Variants in GALNT11 observed in about 807,000 individuals in gnomAD.
The protein encoded by GALNT11 is UDP-GalNAc:polypeptide N-acetylgalactosaminyltransferase 11.
A neutral mutation model predicts 72.7 loss-of-function variants in GALNT11; 47 were observed. The ratio of observed to expected loss-of-function variants is 0.65; its 90% CI spans 0.51 to 0.82. GALNT11 has a LOEUF of 0.82. Among genes scored for constraint, GALNT11 ranks in the 40% least tolerant of loss-of-function variants. The pLI, the probability that GALNT11 is intolerant of heterozygous loss-of-function variation, is 0.00. For missense variants in GALNT11, 677 were observed against 778.4 expected, an observed-to-expected ratio of 0.87 and a Z score of 1.55; for synonymous variants, 270 against 286.6, an observed-to-expected ratio of 0.94 and a Z score of 0.58.
At chr7:152,026,871 A>G (rs2082041098) in intron 1 of GALNT11, among the ~76,000 whole-genome samples, 1 of 152,156 alleles carries the variant, frequency 6.6e-6, no homozygotes, top group South Asian at 2.1e-4. Flanking sequence ...TGCCCCCACC[A>G]CCTTGGGTAC....
intron 1 of GALNT11, among the ~76,000 whole-genome samples, chr7:152,058,458 C>T (rs996200672): frequency 1.3e-5 from 2 of 152,088 alleles, no homozygotes; most frequent in African/African-American, 2.4e-5. Flanking sequence ...CTCAGCCTCC[C>T]GAGTAGCTGG....
Position 152,071,399 on chromosome 7 carries a change from G to C in GALNT11, c.-38-22791G>C, listed in dbSNP as rs2084638199. Among the ~76,000 whole-genome samples the C allele has an allele frequency of 2.0e-5, 3 of 152,192 alleles. No individual in the cohort carries two copies. In the South Asian group the frequency reaches 6.2e-4, roughly 31 times the overall value. ...TCTCCCATTTGCTTTTGAAAGAAGA[G>C]AAATATGGTTCTGTTCCACCCGGCT... On this transcript the variant is annotated intron_variant, in intron 1 of 11. Coordinates refer to ENST00000430044, the MANE Select transcript of GALNT11 (RefSeq NM_022087.4).
chr7:152,028,771 GC>G (rs2082164517), intron 1 of GALNT11, among the ~76,000 whole-genome samples: 1 of 151,794 alleles, frequency 6.6e-6, no homozygotes, highest in African/African-American at 2.4e-5. Context: ...TGAAGAAGGG[GC>G]CCTGCAATTG....
chr7:152,095,602 G>A (rs1387861759), intron 2 of GALNT11, among the ~76,000 whole-genome samples: 1 of 152,116 alleles, frequency 6.6e-6, no homozygotes, highest in African/African-American at 2.4e-5. Context: ...AAATAGAGAC[G>A]TGATCTCACC....
chr7:152,064,169 G>A (rs998519034), intron 1 of GALNT11, among the ~76,000 whole-genome samples: 2 of 152,092 alleles, frequency 1.3e-5, no homozygotes, highest in African/African-American at 4.8e-5. Context: ...TATATTTAGG[G>A]TAGTTAGCTC....
intron 1 of GALNT11, among the ~76,000 whole-genome samples, chr7:152,076,594 T>C (rs1217126950): frequency 6.6e-6 from 1 of 152,200 alleles, no homozygotes; most frequent in African/African-American, 2.4e-5. Flanking sequence ...AGCTGGAGTC[T>C]TCTTATCAGT....
At chr7:152,044,739 G>A (rs2083034832) in intron 1 of GALNT11, among the ~76,000 whole-genome samples, 1 of 152,064 alleles carries the variant, frequency 6.6e-6, no homozygotes, top group South Asian at 2.1e-4. Context: ...GCAAACAAGG[G>A]TACTTTGACT....
At chr7:152,058,350 G>GTTTTT (rs1563050967) in intron 1 of GALNT11, among the ~76,000 whole-genome samples, 1 of 151,894 alleles carries the variant, frequency 6.6e-6, no homozygotes, top group Admixed American at 6.6e-5. Context: ...GTTTTGTTTT[G>GTTTTT]TTTTGTTTTT....
intron 1 of GALNT11, among the ~76,000 whole-genome samples, chr7:152,049,111 G>A (rs969137293): frequency 1.3e-5 from 2 of 151,980 alleles, no homozygotes; most frequent in African/African-American, 4.8e-5. Flanking sequence ...AGCTCTCCAA[G>A]ATTGGTTGCT....
At chr7:152,092,899 T>G (rs572438669) in intron 1 of GALNT11, among the ~76,000 whole-genome samples, 2 of 152,298 alleles carry the variant, frequency 1.3e-5, no homozygotes, top group East Asian at 3.9e-4. Context: ...CTTAGGAAAT[T>G]GTATTAGCCT....
At position 152,108,152 on chromosome 7, in the gene GALNT11, T is replaced by C. The variant is rs1261027773; in HGVS notation, c.827T>C (p.Ile276Thr). 2 of 1,613,984 alleles carry C rather than the reference T, an allele frequency of 1.2e-6. No homozygotes were observed. Among genetic ancestry groups the C allele is most frequent in the Admixed American group, 3.3e-5 (2 of 59,994 alleles). Reference sequence around the variant, plus strand: ...ACCGTGGTGTGCCCAGTGATTGACATCATCAGCGCCGACACGCTGGCCTAC... The same window carrying C: ...ACCGTGGTGTGCCCAGTGATTGACACCATCAGCGCCGACACGCTGGCCTAC... ...RHTVVCPVID[I>T]ISADTLAYSS... Residue 276 changes from isoleucine to threonine, a missense_variant, in exon 6 of 12, where the codon ATC (isoleucine) becomes ACC (threonine). Physicochemically the swap from Ile to Thr is moderately conservative, Grantham distance 89. Coordinates refer to ENST00000430044, the MANE Select transcript of GALNT11 (RefSeq NM_022087.4).
intron 1 of GALNT11, among the ~76,000 whole-genome samples, chr7:152,028,373 C>G (rs796301732): frequency 3.3e-5 from 5 of 152,268 alleles, no homozygotes; most frequent in African/African-American, 1.2e-4. Flanking sequence ...GTTTACAAAC[C>G]TTTAGCTAGA....
intron 1 of GALNT11, among the ~76,000 whole-genome samples, chr7:152,068,662 A>G (rs1331393768): frequency 2.0e-5 from 3 of 152,044 alleles, no homozygotes; most frequent in Non-Finnish European, 2.9e-5. Context: ...CTTTTTTCTA[A>G]GGGAAGAGAG....
intron 3 of GALNT11, among the ~76,000 whole-genome samples, chr7:152,102,882 G>A (rs1395362629): frequency 6.6e-6 from 1 of 151,564 alleles, no homozygotes; most frequent in Non-Finnish European, 1.5e-5. Flanking sequence ...TCGGGAGGCT[G>A]AGGCAGGAGA....
chr7:152,116,600 T>C (rs973420409), intron 8 of GALNT11, among the ~76,000 whole-genome samples: 2 of 152,206 alleles, frequency 1.3e-5, no homozygotes, highest in East Asian at 3.8e-4. Flanking sequence ...ATATTCCACA[T>C]CGTAACTAGA....
chr7:152,053,718 G>A (rs753986454), intron 1 of GALNT11, among the ~76,000 whole-genome samples: 1 of 152,186 alleles, frequency 6.6e-6, no homozygotes, highest in Non-Finnish European at 1.5e-5. Context: ...CTGCACTTTG[G>A]CTGGGTGGCT....
At chr7:152,060,524 G>A (rs541619523) in intron 1 of GALNT11, among the ~76,000 whole-genome samples, 26 of 151,374 alleles carry the variant, frequency 1.7e-4, no homozygotes, top group Non-Finnish European at 2.4e-4. Context: ...TGTGCACAAC[G>A]TGCAGGTTTG....
At chr7:152,110,390 T>C in intron 6 of GALNT11, 138 bp from the exon 7 acceptor site, 1 of 721,060 alleles carries the variant, frequency 1.4e-6, no homozygotes, top group Non-Finnish European at 2.4e-6. Context: ...CATTCTCTGA[T>C]ACTGGATAAA....
In GALNT11 at chr7:152,113,712, C is replaced by CTTTTTT. The variant is rs6150397; in HGVS notation, c.1233+351_1233+356dup. 1.9e-3 allele frequency among the ~76,000 whole-genome samples: 180 copies of CTTTTTT among 96,980 alleles called. 16 individuals carry two copies. The highest frequency in any genetic ancestry group is 2.1e-3 in the African/African-American group (46 of 21,780). 63.6% of individuals were successfully genotyped at this position (96,980 alleles called of 152,430 possible). ...TGTGACGCCTGCAAAAGTTGGCTTT[C>CTTTTTT]TTTTTTTTTTTTTTTTTTTTTTTTT... On this transcript the variant is annotated intron_variant, in intron 8 of 11. Coordinates refer to ENST00000430044, the MANE Select transcript of GALNT11 (RefSeq NM_022087.4).
Sources: gnomAD v4.1 joint callset for allele counts (sites outside exome capture counted in the v4.1 genomes callset) on GRCh38, gnomAD v4.1.1 for gene constraint, MANE v1.5 for transcripts, NCBI Gene and HGNC (gene_info 2026-07-23, HGNC 2026-07-21) for gene names.